Variants in REV1 observed in about 807,000 individuals in gnomAD.
REV1 encodes REV1 DNA directed polymerase.
In REV1, 42 loss-of-function variants were observed where a neutral mutation model predicts 137.4. The observed-to-expected ratio is 0.31, with a 90% CI of 0.24 to 0.40. The LOEUF is 0.40. REV1 is among the 10% of genes least tolerant of loss of function. The pLI, the probability that REV1 is intolerant of heterozygous loss-of-function variation, is 1.00. For missense variants in REV1, 1,282 were observed against 1,490.1 expected (o/e 0.86, Z 2.30); for synonymous variants, 524 against 519.2 (o/e 1.01, Z -0.12).
intron 9 of REV1, 52 bp downstream of exon 9, chr2:99,429,788 A>G: frequency 9.6e-7 from 1 of 1,043,398 alleles, no homozygotes; most frequent in Non-Finnish European, 1.3e-6. Context: ...ATTATATAAA[A>G]ATAATTAACC....
At chr2:99,445,107 TCC>T (rs1682027626) in intron 4 of REV1, among the ~76,000 whole-genome samples, 1 of 148,092 alleles carries the variant, frequency 6.8e-6, no homozygotes, top group Non-Finnish European at 1.5e-5. Flanking sequence ...TCTTGCTTTG[TCC>T]TACAGCCTCT....
Position 99,438,333 on chromosome 2 carries a change from C to G in REV1, c.1213+268G>C, listed in dbSNP as rs1282438091. 4.6e-5 allele frequency among the ~76,000 whole-genome samples: 7 copies of G among 152,168 alleles called. No homozygotes were observed. In the South Asian group the frequency reaches 1.4e-3, roughly 32 times the overall value. Reference sequence around the variant, plus strand: ...TCAAAACTTCACCAACTGATAAGGTCTACGTGAGGAATGAATGCTCAGAAT... The same window carrying G: ...TCAAAACTTCACCAACTGATAAGGTGTACGTGAGGAATGAATGCTCAGAAT... On this transcript the variant is annotated intron_variant, in intron 6 of 22. Transcript: ENST00000258428.
intron 1 of REV1, among the ~76,000 whole-genome samples, chr2:99,484,141 A>G (rs762551904): frequency 4.6e-5 from 7 of 152,180 alleles, no homozygotes; most frequent in Non-Finnish European, 1.0e-4. Flanking sequence ...ACCAAACACC[A>G]CATGTTCTCA....
intron 7 of REV1, 38 bp from the exon 8 acceptor site, chr2:99,434,486 C>T (rs1215351156): frequency 1.4e-6 from 2 of 1,430,226 alleles, no homozygotes; most frequent in African/African-American, 2.9e-5. Context: ...GTATGTGGTA[C>T]AGGAATGTTA....
At chr2:99,446,906 C>T (rs779568742) in intron 4 of REV1, among the ~76,000 whole-genome samples, 27 of 152,174 alleles carry the variant, frequency 1.8e-4, no homozygotes, top group Non-Finnish European at 3.1e-4. Flanking sequence ...ACTATTGCCC[C>T]CAGATAAAAA....
chr2:99,451,380 C>T lies in REV1; in HGVS notation c.182-1876G>A, dbSNP rs369628255. ...GCTGCTCTTTGAAAACTAATTACTCCAGAAATTTGGAACTGGAAAATACAT... is the reference window on the plus strand; with the variant it reads ...GCTGCTCTTTGAAAACTAATTACTCTAGAAATTTGGAACTGGAAAATACAT... On this transcript the variant is annotated intron_variant, in intron 3 of 22. Transcript: ENST00000258428. 4,080 of 1,291,752 alleles carry T rather than the reference C, an allele frequency of 3.2e-3. 43 individuals carry two copies. The highest frequency in any genetic ancestry group is 0.021 in the South Asian group (1,669 of 79,934). The allele number at this position is 1,291,752 out of a possible 1,614,324, so 80.0% of individuals were successfully genotyped here.
At chr2:99,416,586 T>G (rs993851838) in intron 12 of REV1, among the ~76,000 whole-genome samples, 4 of 152,194 alleles carry the variant, frequency 2.6e-5, no homozygotes, top group Non-Finnish European at 5.9e-5. Flanking sequence ...AATTCAAGGC[T>G]GTGCCTCAGC....
chr2:99,408,200 G>C, intron 14 of REV1, 69 bp from the exon 15 acceptor site: 1 of 829,164 alleles, frequency 1.2e-6, no homozygotes, highest in Non-Finnish European at 1.9e-6. Flanking sequence ...AAGTAGTATG[G>C]AACTGTTTAA....
chr2:99,475,083 A>G (rs1223442615), intron 1 of REV1, among the ~76,000 whole-genome samples: 2 of 152,092 alleles, frequency 1.3e-5, no homozygotes, highest in African/African-American at 4.8e-5. Context: ...CTTGAACATA[A>G]ATTTAATTTA....
At position 99,439,109 on chromosome 2, in the gene REV1, G is replaced by A; in HGVS notation, c.705C>T (p.Ala235=). Residue 235 remains alanine, a synonymous_variant, in exon 6 of 23, where the codon GCC becomes GCT. Coordinates refer to ENST00000258428, the MANE Select transcript of REV1 (RefSeq NM_016316.4). ...FNGHTPSSNG[A]LKTQDCLVPM... ...GCACCAAGCAATCCTGTGTCTTTAA[G>A]GCACCATTAGAGCTAGGAGTGTGTC... The A allele has an allele frequency of 6.2e-7, 1 of 1,614,112 alleles. No homozygotes were observed. The highest frequency in any genetic ancestry group is 8.5e-7 in the Non-Finnish European group (1 of 1,180,012).
intron 1 of REV1, among the ~76,000 whole-genome samples, chr2:99,487,124 G>C (rs1687233686): frequency 6.6e-6 from 1 of 152,192 alleles, no homozygotes; most frequent in Non-Finnish European, 1.5e-5. Flanking sequence ...AGAATAGTAA[G>C]TATAACATCC....
intron 11 of REV1, among the ~76,000 whole-genome samples, chr2:99,420,501 C>A (rs1168363927): frequency 6.6e-6 from 1 of 152,212 alleles, no homozygotes; most frequent in African/African-American, 2.4e-5. Flanking sequence ...TGAAAAAAAC[C>A]CTAACAAAGG....
At chr2:99,461,506 G>C (rs1684194266) in intron 3 of REV1, among the ~76,000 whole-genome samples, 1 of 152,182 alleles carries the variant, frequency 6.6e-6, no homozygotes, top group Admixed American at 6.5e-5. Context: ...GGGAAAGCGA[G>C]GCATGGAGAC....
chr2:99,412,091 G>A (rs28382946), intron 13 of REV1, among the ~76,000 whole-genome samples: 63,916 of 150,964 alleles, frequency 0.42, 13,796 homozygotes, highest in Admixed American at 0.57. Context: ...AAATTAGCCG[G>A]GCGTGGTGGC....
intron 3 of REV1, among the ~76,000 whole-genome samples, chr2:99,460,581 TC>T (rs1684070200): frequency 6.6e-6 from 1 of 152,196 alleles, no homozygotes; most frequent in South Asian, 2.1e-4. Context: ...TCTTATTACA[TC>T]TAAAGAGTTA....
At chr2:99,478,948 T>C (rs185566873) in intron 1 of REV1, among the ~76,000 whole-genome samples, 10 of 152,192 alleles carry the variant, frequency 6.6e-5, no homozygotes, top group African/African-American at 1.9e-4. Flanking sequence ...TTATATACAG[T>C]AGAGAGAATG....
In REV1 at chr2:99,424,802, C is replaced by G. The variant is rs562621668; in HGVS notation, c.1548-522G>C. On this transcript the variant is annotated intron_variant, in intron 9 of 22. Transcript: ENST00000258428. ...CAATTCCCAATTGACCAATTCCATG[C>G]TCCTGAAGTGGCTCCACAGTGGTTG... 3.8e-5 allele frequency: 50 copies of G among 1,304,198 alleles called. No homozygotes were observed. The African/African-American group carries it at 7.4e-4, about 19-fold the overall frequency. 80.8% of individuals were successfully genotyped at this position (1,304,198 alleles called of 1,614,324 possible).
chr2:99,436,510 T>C (rs1043505855), intron 6 of REV1: 5 of 153,552 alleles, frequency 3.3e-5, no homozygotes, highest in African/African-American at 1.2e-4. Context: ...AACTACCATG[T>C]TGCTGTTCTA....
chr2:99,415,859 C>G (rs1036915673), intron 12 of REV1, among the ~76,000 whole-genome samples: 14 of 152,214 alleles, frequency 9.2e-5, no homozygotes, highest in Non-Finnish European at 1.9e-4. Context: ...GGTAAAAAGC[C>G]CTGCAAAGAT....
Sources: allele counts gnomAD v4.1 joint callset (sites outside exome capture counted in the v4.1 genomes callset), GRCh38; gene constraint gnomAD v4.1.1; transcripts MANE v1.5; gene names NCBI Gene and HGNC (gene_info 2026-07-23, HGNC 2026-07-21).